ACTA2: variants seen among roughly 807,000 people sequenced by gnomAD.
The protein encoded by ACTA2 is actin alpha 2, smooth muscle, also known as actin, aortic smooth muscle.
In ACTA2, 12 loss-of-function variants were observed where a neutral mutation model predicts 39.5. The observed-to-expected ratio is 0.30, with a 90% CI of 0.19 to 0.49. The LOEUF (loss-of-function observed/expected upper bound fraction) is 0.49, where lower values mean the gene tolerates loss of function less well. ACTA2 is among the 20% of genes least tolerant of loss of function. The pLI is 0.99. For missense variants in ACTA2, 236 were observed against 498.8 expected, an observed-to-expected ratio of 0.47 and a Z score of 5.02; for synonymous variants, 158 against 180.6, an observed-to-expected ratio of 0.88 and a Z score of 1.00.
At chr10:88,937,488 A>AT (rs1419623346) in intron 8 of ACTA2, among the ~76,000 whole-genome samples, 1 of 152,202 alleles carries the variant, frequency 6.6e-6, no homozygotes, top group East Asian at 1.9e-4. Context: ...TTCACACCAC[A>AT]TACAGGGGTC....
At chr10:88,955,263 T>G (rs182765502), upstream of ACTA2, among the ~76,000 whole-genome samples, 1 of 152,240 alleles carries the variant, frequency 6.6e-6, no homozygotes, top group Non-Finnish European at 1.5e-5. Context: ...ATGTAACTAC[T>G]GGCAAATAGC....
chr10:88,947,049 T>C (rs1265067197), intron 3 of ACTA2: 2 of 588,742 alleles, frequency 3.4e-6, no homozygotes, highest in Non-Finnish European at 2.8e-6. Flanking sequence ...GCTTCATCCA[T>C]GTCCCTACAA....
chr10:88,947,236 A>G (rs1163948144), intron 3 of ACTA2, 22 bp downstream of exon 3: 1 of 1,613,702 alleles, frequency 6.2e-7, no homozygotes, highest in Non-Finnish European at 8.5e-7. Context: ...TGAGGGCCCA[A>G]GCTGCAGCAA....
chr10:88,988,443 TATCTTAACTCTTCCTG>T (rs1564666954), intron 1 of ACTA2, among the ~76,000 whole-genome samples: 8 of 142,350 alleles, frequency 5.6e-5, no homozygotes, highest in Non-Finnish European at 1.1e-4. Flanking sequence ...TTTTGTTTTT[TATCTTAACTCTTCCTG>T]TTTTTTTACA....
chr10:88,990,582 G>T lies in ACTA2; in HGVS notation c.-24+357C>A, dbSNP rs9658677. Reference sequence around the variant, plus strand: ...GAATCAATGGAGCCCTCCCCAACCCGGGCGTTCCCCAGCGAGGCTTCCTTC... The same window carrying T: ...GAATCAATGGAGCCCTCCCCAACCCTGGCGTTCCCCAGCGAGGCTTCCTTC... On this transcript the variant is annotated intron_variant, in intron 1 of 4. Coordinates refer to the ACTA2 transcript ENST00000415557. This position sits in a 1 kb window ranked among gnomAD's most constrained non-coding sequence, Gnocchi z 4.9. 6.0e-6 allele frequency: 4 copies of T among 664,540 alleles called. No homozygotes were observed. The South Asian group carries it at 6.0e-5, about 10-fold the overall frequency. 41.2% of individuals were successfully genotyped at this position (664,540 alleles called of 1,614,324 possible). A position where few individuals can be genotyped will look rare whatever the true frequency, so the allele number is the denominator to read the frequency against.
intron 6 of ACTA2, chr10:88,940,848 C>T (rs1211120693): frequency 7.9e-5 from 25 of 316,450 alleles, no homozygotes; most frequent in Middle Eastern, 2.3e-3. Context: ...TTAACTTGTC[C>T]AAGCTCACAG....
intron 1 of ACTA2, among the ~76,000 whole-genome samples, chr10:88,975,422 T>G (rs187206815): frequency 5.9e-5 from 9 of 152,314 alleles, no homozygotes; most frequent in African/African-American, 2.2e-4. Flanking sequence ...AAAGTGTTTG[T>G]TTTTTTCTTA....
chr10:88,953,192 G>A (rs753679901), upstream of ACTA2, among the ~76,000 whole-genome samples: 5 of 152,210 alleles, frequency 3.3e-5, no homozygotes, highest in Non-Finnish European at 5.9e-5. Context: ...TGCCTAGCAC[G>A]GACTTTTAAA....
Position 88,935,177 on chromosome 10 carries a change from A to T in ACTA2, c.*46T>A, listed in dbSNP as rs1394838173. The T allele has an allele frequency of 7.5e-6, 12 of 1,609,702 alleles. No individual in the cohort carries two copies. Among genetic ancestry groups the T allele is most frequent in the Non-Finnish European group, 1.0e-5 (12 of 1,178,100 alleles). ...AGAACTGAAGGCATAATTCCACAGGACATTCACAGTTGTGTGCTAGAGACA... is the reference window on the plus strand; with the variant it reads ...AGAACTGAAGGCATAATTCCACAGGTCATTCACAGTTGTGTGCTAGAGACA... On this transcript the variant is annotated 3_prime_UTR_variant, in exon 9 of 9. Transcript: ENST00000224784.
At chr10:88,973,132 G>T in intron 1 of ACTA2, 1 of 1,523,608 alleles carries the variant, frequency 6.6e-7, no homozygotes, top group Non-Finnish European at 8.8e-7. Flanking sequence ...TTTTTCCTGG[G>T]CCTTGCCTCC....
At chr10:88,949,020 C>G in intron 1 of ACTA2, 67 bp from the exon 2 acceptor site, 1 of 1,563,450 alleles carries the variant, frequency 6.4e-7, no homozygotes. Flanking sequence ...CCTGACAACT[C>G]CCACCTCCAA....
chr10:88,972,036 G>A (rs1350207862), intron 1 of ACTA2, among the ~76,000 whole-genome samples: 1 of 151,880 alleles, frequency 6.6e-6, no homozygotes, highest in Non-Finnish European at 1.5e-5. Flanking sequence ...AGTCTCCTAA[G>A]GAGCTGGGAC....
At position 88,935,226 on chromosome 10, in the gene ACTA2, G is replaced by A. The variant is rs1062399; in HGVS notation, c.1131C>T (p.Phe377=). The part of the protein sequence containing the change: ...AGPSIVHRKC[F] ...CAGAGAGGAGCAGGAAAGTGTTTTA[G>A]AAGCATTTGCGGTGGACAATGGAAG... Residue 377 remains phenylalanine (F), a synonymous_variant, in exon 9 of 9, where the codon TTC becomes TTT. Coordinates refer to ENST00000224784, the MANE Select transcript of ACTA2 (RefSeq NM_001613.4). 21 of 1,613,168 alleles carry A rather than the reference G, an allele frequency of 1.3e-5. No homozygotes were observed. Among genetic ancestry groups the A allele is most frequent in the Non-Finnish European group, 1.8e-5 (21 of 1,179,760 alleles).
intron 8 of ACTA2, among the ~76,000 whole-genome samples, chr10:88,937,311 G>A (rs1433824084): frequency 1.3e-5 from 2 of 152,220 alleles, no homozygotes; most frequent in African/African-American, 4.8e-5. Flanking sequence ...AACTGCACTA[G>A]AATTGCCCCT....
At chr10:88,984,920 A>ATGTT (rs1352914331) in intron 1 of ACTA2, among the ~76,000 whole-genome samples, 1 of 152,196 alleles carries the variant, frequency 6.6e-6, no homozygotes, top group Non-Finnish European at 1.5e-5. Context: ...AGAAGCCAAG[A>ATGTT]TGTTAGGCTG....
chr10:88,957,388 A>T (rs547793800), upstream of ACTA2, among the ~76,000 whole-genome samples: 7 of 152,360 alleles, frequency 4.6e-5, no homozygotes, highest in African/African-American at 1.7e-4. Flanking sequence ...CACCAAAGAT[A>T]ACTTGAGAAA....
intron 1 of ACTA2, among the ~76,000 whole-genome samples, chr10:88,952,006 C>T (rs1361802374): frequency 4.6e-5 from 7 of 152,160 alleles, no homozygotes; most frequent in African/African-American, 9.7e-5. Flanking sequence ...ACCAGATATC[C>T]GGCCGGGAGG....
At chr10:88,973,301 T>A in intron 1 of ACTA2, 1 of 1,610,398 alleles carries the variant, frequency 6.2e-7, no homozygotes, top group Non-Finnish European at 8.5e-7. Flanking sequence ...CATCACCATC[T>A]GAACAGCTCT....
rs569264154 is a variant in ACTA2, at chr10:88,980,229, A to G, written c.-24+10710T>C. Among the ~76,000 whole-genome samples the G allele has an allele frequency of 2.6e-5, 4 of 152,106 alleles. No individual in the cohort carries two copies. In the South Asian group the frequency reaches 8.5e-4, roughly 32 times the overall value. ...AGGAATTAAACATAATGCACTTTAA[A>G]TGTACAACTAAGAAGTCAGGGCATG... On this transcript the variant is annotated intron_variant, in intron 1 of 4. Coordinates refer to the ACTA2 transcript ENST00000415557.
Sources: allele counts gnomAD v4.1 joint callset (sites outside exome capture counted in the v4.1 genomes callset), GRCh38; gene constraint gnomAD v4.1.1; non-coding constraint Gnocchi (gnomAD v3.1); transcripts MANE v1.5; gene names NCBI Gene and HGNC (gene_info 2026-07-23, HGNC 2026-07-21).